ABCA9: variants seen among roughly 807,000 people sequenced by gnomAD.
ABCA9 encodes ATP-binding cassette sub-family A member 9.
In ABCA9, 183 loss-of-function variants were observed where a neutral mutation model predicts 205.3. That is an observed-to-expected ratio of 0.89 (90% confidence interval 0.79 to 1.01). The LOEUF (loss-of-function observed/expected upper bound fraction) is 1.01. Among genes scored for constraint, ABCA9 ranks in the 50% least tolerant of loss-of-function variants. The pLI is 0.00. For missense variants in ABCA9, 1,805 were observed against 1,912.4 expected, an observed-to-expected ratio of 0.94 and a Z score of 1.05; for synonymous variants, 651 against 683.3, an observed-to-expected ratio of 0.95 and a Z score of 0.74.
chr17:69,026,521 T>G (rs1421041562), intron 15 of ABCA9, 54 bp from the exon 16 acceptor site: 10 of 1,397,770 alleles, frequency 7.2e-6, no homozygotes, highest in Non-Finnish European at 9.1e-6. Flanking sequence ...TTCTTTACTA[T>G]TCACAAAACA....
At chr17:69,017,927 G>T in intron 20 of ABCA9, 138 bp from the exon 21 acceptor site, 1 of 920,296 alleles carries the variant, frequency 1.1e-6, no homozygotes, top group Non-Finnish European at 1.6e-6. Context: ...CAGAATTGAT[G>T]TTCTGGTACA....
chr17:68,993,759 A>G (rs2069529148), intron 26 of ABCA9, among the ~76,000 whole-genome samples: 1 of 152,170 alleles, frequency 6.6e-6, no homozygotes, highest in Non-Finnish European at 1.5e-5. Flanking sequence ...GATGTGCACG[A>G]CCTTGACATC....
chr17:69,002,982 C>T (rs982663419), intron 25 of ABCA9, among the ~76,000 whole-genome samples: 1 of 146,142 alleles, frequency 6.8e-6, no homozygotes, highest in Non-Finnish European at 1.5e-5. Context: ...AGATCTTCCT[C>T]CATCCTTTTA....
chr17:68,988,971 C>A, intron 31 of ABCA9, 56 bp downstream of exon 31: 2 of 1,048,142 alleles, frequency 1.9e-6, no homozygotes, highest in South Asian at 1.3e-5. Flanking sequence ...CTATTATTGC[C>A]ATCAATATTC....
chr17:69,066,191 C>T, the ABCA9 span, among the ~76,000 whole-genome samples: 1 of 152,150 alleles, frequency 6.6e-6, no homozygotes, highest in Non-Finnish European at 1.5e-5. Context: ...GTAGTATGTA[C>T]CTCACTGTCT....
intron 23 of ABCA9, 76 bp from the exon 24 acceptor site, chr17:69,008,311 A>G: frequency 1.5e-6 from 2 of 1,366,296 alleles, no homozygotes; most frequent in East Asian, 2.3e-5. Flanking sequence ...TACAGTCATG[A>G]AAGCATTCAT....
rs756607780 is a variant in ABCA9, at chr17:69,027,000, T to C, written c.2026A>G (p.Ile676Val). The change falls in exon 15 of 39, where the codon ATA becomes GTA. Residue 676 changes from isoleucine to valine, a missense_variant. Coordinates refer to ENST00000340001, the MANE Select transcript of ABCA9 (RefSeq NM_080283.4). Reference sequence around the variant, plus strand: ...CCCGCCAGAATGTCAGCCTCATCTATAAACTGGGTGCTGAAGAGAATTACT... The same window carrying C: ...CCCGCCAGAATGTCAGCCTCATCTACAAACTGGGTGCTGAAGAGAATTACT... ...DRVILFSTQF[I>V]DEADILADRK... 1 of 1,614,104 alleles carries C rather than the reference T, an allele frequency of 6.2e-7. No homozygotes were observed. Among genetic ancestry groups the C allele is most frequent in the South Asian group, 1.1e-5 (1 of 91,078 alleles).
chr17:69,060,800 G>T (rs2144558147), intron 1 of ABCA9, 66 bp downstream of exon 1: 1 of 933,840 alleles, frequency 1.1e-6, no homozygotes, highest in Non-Finnish European at 1.3e-6. Flanking sequence ...CGTCTGGCAT[G>T]CCTATTTATA....
rs1340107524 is a variant in ABCA9 at position 69,060,866 on chromosome 17, T to C, written c.-14A>G. On this transcript the variant is annotated splice_region_variant and 5_prime_UTR_variant, in exon 1 of 39. Coordinates refer to ENST00000340001, the MANE Select transcript of ABCA9 (RefSeq NM_080283.4). ...ACCACAATTTTAGAGGTTAACTTAC[T>C]CTCAGGAAAGCTGGAGGAAAAATCT... The C allele has an allele frequency of 3.0e-6, 3 of 985,334 alleles. No individual in the cohort carries two copies. In the East Asian group the frequency reaches 3.4e-4, roughly 112 times the overall value. 61.0% of individuals were successfully genotyped at this position (985,334 alleles called of 1,614,324 possible).
intron 16 of ABCA9, among the ~76,000 whole-genome samples, chr17:69,025,900 A>G (rs1006989107): frequency 1.3e-5 from 2 of 152,152 alleles, no homozygotes; most frequent in Non-Finnish European, 2.9e-5. Context: ...CTATATGTAA[A>G]TATCTTAGTA....
chr17:69,028,741 G>T, intron 11 of ABCA9, 96 bp from the exon 12 acceptor site: 1 of 579,120 alleles, frequency 1.7e-6, no homozygotes. Flanking sequence ...AATAGATTGA[G>T]CTAGCAATAT....
intron 16 of ABCA9, 109 bp downstream of exon 16, chr17:69,026,268 G>C: frequency 1.2e-6 from 1 of 806,388 alleles, no homozygotes; most frequent in Non-Finnish European, 2.0e-6. Context: ...TAGCTCCCTT[G>C]AAATGAACTT....
the ABCA9 span, among the ~76,000 whole-genome samples, chr17:69,067,232 A>AT: frequency 6.6e-6 from 1 of 152,012 alleles, no homozygotes; most frequent in Non-Finnish European, 1.5e-5. Context: ...ATGATTTAAT[A>AT]TTTTTTAAAT....
chr17:69,004,542 G>A (rs2070037605), intron 25 of ABCA9, among the ~76,000 whole-genome samples: 1 of 152,248 alleles, frequency 6.6e-6, no homozygotes, highest in East Asian at 1.9e-4. Context: ...ATTTAAGTCT[G>A]CAGAGGTTAC....
At chr17:69,036,407 T>C (rs1247916913) in intron 6 of ABCA9, among the ~76,000 whole-genome samples, 4 of 152,020 alleles carry the variant, frequency 2.6e-5, no homozygotes, top group Non-Finnish European at 4.4e-5. Flanking sequence ...CATTTATAAA[T>C]GTAAAAGACA....
intron 6 of ABCA9, among the ~76,000 whole-genome samples, chr17:69,041,993 C>T (rs76263023): frequency 0.036 from 5,536 of 152,224 alleles, 144 homozygotes; most frequent in East Asian, 0.056. Context: ...ATGCATTCTA[C>T]ATATCTTATT....
At chr17:68,996,698 G>A (rs570398479) in intron 25 of ABCA9, among the ~76,000 whole-genome samples, 7 of 152,106 alleles carry the variant, frequency 4.6e-5, no homozygotes, top group Non-Finnish European at 1.0e-4. Context: ...AGGCATCGTT[G>A]ATTTTATTGC....
At chr17:69,004,148 C>A (rs892327885) in intron 25 of ABCA9, among the ~76,000 whole-genome samples, 1 of 152,224 alleles carries the variant, frequency 6.6e-6, no homozygotes, top group South Asian at 2.1e-4. Flanking sequence ...CAGCTTTGTT[C>A]CGTTGCTGGT....
chr17:69,013,792 A>C (rs2070475048), intron 22 of ABCA9, among the ~76,000 whole-genome samples: 1 of 152,072 alleles, frequency 6.6e-6, no homozygotes, highest in Non-Finnish European at 1.5e-5. Flanking sequence ...AATTATTGAG[A>C]GGGATCAGCA....
Sources: allele counts gnomAD v4.1 joint callset (sites outside exome capture counted in the v4.1 genomes callset), GRCh38; gene constraint gnomAD v4.1.1; transcripts MANE v1.5; gene names NCBI Gene and HGNC (gene_info 2026-07-23, HGNC 2026-07-21).